CAMTA1: variants seen among roughly 807,000 people sequenced by gnomAD.
CAMTA1 encodes calmodulin binding transcription activator 1.
A neutral mutation model predicts 170.9 loss-of-function variants in CAMTA1; 27 were observed. The ratio of observed to expected loss-of-function variants is 0.16; its 90% CI spans 0.12 to 0.22. CAMTA1 has a LOEUF of 0.22. CAMTA1 is among the 10% of genes least tolerant of loss of function. CAMTA1 has a pLI of 1.00. For synonymous variants in CAMTA1, 833 were observed against 891.5 expected, an observed-to-expected ratio of 0.93 and a Z score of 1.17; for missense variants, 1,619 against 2,217.2, an observed-to-expected ratio of 0.73 and a Z score of 5.42.
At chr1:7,172,741 T>C (rs1044525673) in intron 4 of CAMTA1, among the ~76,000 whole-genome samples, 7 of 152,188 alleles carry the variant, frequency 4.6e-5, no homozygotes, top group Non-Finnish European at 8.8e-5. Flanking sequence ...AGGAGGACAC[T>C]GGACTCAGCA....
At chr1:7,052,153 C>T (rs935293315) in intron 3 of CAMTA1, among the ~76,000 whole-genome samples, 28 of 152,172 alleles carry the variant, frequency 1.8e-4, no homozygotes, top group Admixed American at 5.2e-4. Context: ...TCTGCATCTT[C>T]GGCTGCTTCA....
chr1:7,537,778 A>G (rs2094566136), intron 6 of CAMTA1, among the ~76,000 whole-genome samples: 1 of 152,234 alleles, frequency 6.6e-6, no homozygotes, highest in South Asian at 2.1e-4. Flanking sequence ...GATTTTATTC[A>G]GCAAATGCCC....
At chr1:7,495,075 C>T (rs554396831) in intron 6 of CAMTA1, among the ~76,000 whole-genome samples, 26 of 152,238 alleles carry the variant, frequency 1.7e-4, no homozygotes, top group Non-Finnish European at 3.2e-4. Flanking sequence ...TCAGTGGCTG[C>T]CCCCGTCGTT....
At chr1:7,332,660 G>C (rs1332950510) in intron 5 of CAMTA1, among the ~76,000 whole-genome samples, 2 of 152,200 alleles carry the variant, frequency 1.3e-5, no homozygotes, top group Non-Finnish European at 2.9e-5. Flanking sequence ...TTGTTGTGTG[G>C]AGCTGTATGG....
At chr1:7,448,699 T>C (rs1053775157) in intron 5 of CAMTA1, among the ~76,000 whole-genome samples, 3 of 152,134 alleles carry the variant, frequency 2.0e-5, no homozygotes, top group African/African-American at 7.2e-5. Flanking sequence ...CGTCCTTACG[T>C]GGTAGAAGAG....
At chr1:7,130,988 T>C (rs1355450526) in intron 4 of CAMTA1, among the ~76,000 whole-genome samples, 4 of 151,962 alleles carry the variant, frequency 2.6e-5, no homozygotes, top group Non-Finnish European at 5.9e-5. Context: ...GGATTCTTAC[T>C]CTGTCACCAG....
intron 6 of CAMTA1, among the ~76,000 whole-genome samples, chr1:7,549,041 A>G (rs1164047080): frequency 1.1e-3 from 84 of 79,968 alleles, no homozygotes; most frequent in Middle Eastern, 0.022. Context: ...TGCCCATGGA[A>G]GGTGCCCCCT....
intron 3 of CAMTA1, among the ~76,000 whole-genome samples, chr1:6,886,601 C>G (rs1028323284): frequency 2.0e-5 from 3 of 152,226 alleles, no homozygotes; most frequent in African/African-American, 7.2e-5. Context: ...ATTTTGTCCA[C>G]TGGAATTAAA....
intron 6 of CAMTA1, among the ~76,000 whole-genome samples, chr1:7,516,491 A>T (rs1320111449): frequency 6.6e-6 from 1 of 152,178 alleles, no homozygotes; most frequent in African/African-American, 2.4e-5. Context: ...GCCTCTTCAG[A>T]GCTGGATGCT....
chr1:6,999,470 G>A (rs10864260), intron 3 of CAMTA1, among the ~76,000 whole-genome samples: 24,132 of 152,140 alleles, frequency 0.16, 1,919 homozygotes, highest in Non-Finnish European at 0.18. Flanking sequence ...TGCAACCTCT[G>A]CCTGTCAGGC....
chr1:6,807,212 T>C (rs978975240), intron 1 of CAMTA1: 266 of 450,578 alleles, frequency 5.9e-4, no homozygotes, highest in Non-Finnish European at 5.2e-4. Flanking sequence ...TCCAGGTAAT[T>C]GGGTGAGTTT....
At chr1:6,896,793 G>T (rs145035376) in intron 3 of CAMTA1, among the ~76,000 whole-genome samples, 52 of 152,318 alleles carry the variant, frequency 3.4e-4, no homozygotes, top group African/African-American at 1.2e-3. Flanking sequence ...GTTTGTTGAA[G>T]TATTTACTTT....
chr1:7,491,613 C>A (rs558545434), intron 6 of CAMTA1, among the ~76,000 whole-genome samples: 1 of 152,028 alleles, frequency 6.6e-6, no homozygotes, highest in Non-Finnish European at 1.5e-5. Flanking sequence ...TTTCTACTGA[C>A]TAAGGTTAAA....
rs1049583569 is a variant in CAMTA1, at chr1:7,641,396, C to T, written c.664+843C>T. ...GGTGGGTCAGTGGCTCACTCAGAAGCAGAACTGTCCCTGGAGCTGGGCTGG... is the reference window on the plus strand; with the variant it reads ...GGTGGGTCAGTGGCTCACTCAGAAGTAGAACTGTCCCTGGAGCTGGGCTGG... On this transcript the variant is annotated intron_variant, in intron 7 of 22. Transcript: ENST00000303635. This position sits in a 1 kb window ranked among gnomAD's most constrained non-coding sequence, Gnocchi z 4.5. Among the ~76,000 whole-genome samples, 1 of 152,192 alleles carries T rather than the reference C, an allele frequency of 6.6e-6. No individual in the cohort carries two copies. The highest frequency in any genetic ancestry group is 2.4e-5 in the African/African-American group (1 of 41,452).
intron 5 of CAMTA1, among the ~76,000 whole-genome samples, chr1:7,277,677 G>A (rs1670934318): frequency 1.3e-5 from 2 of 151,884 alleles, no homozygotes; most frequent in African/African-American, 2.4e-5. Context: ...TATTGTAGAA[G>A]ACTTCAGATA....
intron 3 of CAMTA1, among the ~76,000 whole-genome samples, chr1:6,945,534 A>T (rs1316965191): frequency 6.6e-6 from 1 of 151,958 alleles, no homozygotes; most frequent in African/African-American, 2.4e-5. Context: ...TTTTTTGTAG[A>T]GATGGGGTTT....
chr1:7,482,685 C>T lies in CAMTA1; in HGVS notation c.510+14784C>T, dbSNP rs2093556974. 6.6e-6 allele frequency among the ~76,000 whole-genome samples: 1 copy of T among 152,146 alleles called. No individual in the cohort carries two copies. The highest frequency in any genetic ancestry group is 2.4e-5 in the African/African-American group (1 of 41,432). On this transcript the variant is annotated intron_variant, in intron 6 of 22. Coordinates refer to ENST00000303635, the MANE Select transcript of CAMTA1 (RefSeq NM_015215.4). The surrounding 1 kb of genome is among the most constrained non-coding windows in gnomAD (Gnocchi z 4.2). ...TTGAGAAGGAAATTCGGGGCAGAAACGTTTGTTGATCCTGAATTGCTAAAA... is the reference window on the plus strand; with the variant it reads ...TTGAGAAGGAAATTCGGGGCAGAAATGTTTGTTGATCCTGAATTGCTAAAA...
chr1:6,854,237 T>C (rs1661439414), intron 3 of CAMTA1, among the ~76,000 whole-genome samples: 1 of 152,190 alleles, frequency 6.6e-6, no homozygotes, highest in African/African-American at 2.4e-5. Flanking sequence ...CACATTACTG[T>C]TTCTATGTTT....
chr1:7,506,579 G>A (rs575528549), intron 6 of CAMTA1, among the ~76,000 whole-genome samples: 50 of 151,072 alleles, frequency 3.3e-4, no homozygotes, highest in Non-Finnish European at 6.5e-4. Context: ...AAATTCACAC[G>A]CACACTCACA....
Sources: allele counts gnomAD v4.1 joint callset (sites outside exome capture counted in the v4.1 genomes callset), GRCh38; gene constraint gnomAD v4.1.1; non-coding constraint Gnocchi (gnomAD v3.1); transcripts MANE v1.5; gene names NCBI Gene and HGNC (gene_info 2026-07-23, HGNC 2026-07-21).